Variants in SH3PXD2B observed in about 807,000 individuals in gnomAD.
SH3PXD2B encodes SH3 and PX domain-containing protein 2B.
In SH3PXD2B, 37 loss-of-function variants were observed where a neutral mutation model predicts 73.1. The observed-to-expected ratio is 0.51, with a 90% CI of 0.39 to 0.67. The LOEUF (loss-of-function observed/expected upper bound fraction) is 0.67, where lower values mean the gene tolerates loss of function less well. Among genes scored for constraint, SH3PXD2B ranks in the 30% least tolerant of loss-of-function variants. The pLI is 0.00. For missense variants in SH3PXD2B, 1,053 were observed against 1,197.8 expected, an observed-to-expected ratio of 0.88 and a Z score of 1.78; for synonymous variants, 457 against 480.5, an observed-to-expected ratio of 0.95 and a Z score of 0.64.
downstream of SH3PXD2B, among the ~76,000 whole-genome samples, chr5:172,329,540 C>CT (rs370876232): frequency 1.4e-3 from 154 of 106,430 alleles, 15 homozygotes; most frequent in Middle Eastern, 0.017. Context: ...CTTTGTTATT[C>CT]TTTTTTTTTT....
intron 1 of SH3PXD2B, among the ~76,000 whole-genome samples, chr5:172,450,595 C>T (rs1759773064): frequency 1.3e-5 from 2 of 152,022 alleles, no homozygotes; most frequent in South Asian, 2.1e-4. Context: ...ATAAATATTC[C>T]GACCATCCTG....
At chr5:172,377,409 G>C (rs753142807) in intron 5 of SH3PXD2B, among the ~76,000 whole-genome samples, 1 of 152,166 alleles carries the variant, frequency 6.6e-6, no homozygotes, top group Non-Finnish European at 1.5e-5. Context: ...ACCCAGCTGA[G>C]ACTGCCTGCT....
intron 1 of SH3PXD2B, among the ~76,000 whole-genome samples, chr5:172,437,623 A>C (rs1759425404): frequency 6.6e-6 from 1 of 152,226 alleles, no homozygotes; most frequent in Non-Finnish European, 1.5e-5. Flanking sequence ...GGAATCACCA[A>C]GCTCAGGCTC....
rs868065377 is a variant in SH3PXD2B, at chr5:172,368,468, T to A, written c.427+5322A>T. Among the ~76,000 whole-genome samples, 82 of 12,988 alleles carry A rather than the reference T, an allele frequency of 6.3e-3. 1 individual carries two copies. The highest frequency in any genetic ancestry group is 7.6e-3 in the Non-Finnish European group (62 of 8,116). The allele number at this position is 12,988 out of a possible 152,430, so 8.5% of individuals were successfully genotyped here. A position where few individuals can be genotyped will look rare whatever the true frequency, so the allele number is the denominator to read the frequency against. The stretch of plus-strand genomic sequence containing the variant: ...CTAAGAATGCTTATATATATATATA[T>A]TATATATATATATAAAATATATATA... On this transcript the variant is annotated intron_variant, in intron 6 of 12. Transcript: ENST00000311601.
At chr5:172,434,182 C>T (rs1759315446) in intron 1 of SH3PXD2B, among the ~76,000 whole-genome samples, 1 of 152,148 alleles carries the variant, frequency 6.6e-6, no homozygotes, top group Non-Finnish European at 1.5e-5. Flanking sequence ...CCCAAATGCC[C>T]TGACTTGATC....
intron 1 of SH3PXD2B, among the ~76,000 whole-genome samples, chr5:172,452,300 AGAC>A (rs1759814262): frequency 6.6e-6 from 1 of 152,240 alleles, no homozygotes; most frequent in East Asian, 1.9e-4. Flanking sequence ...AAGCTTCAAA[AGAC>A]GGTTCTCAAA....
chr5:172,365,696 C>T (rs1289792013), intron 6 of SH3PXD2B, among the ~76,000 whole-genome samples: 1 of 152,234 alleles, frequency 6.6e-6, no homozygotes, highest in African/African-American at 2.4e-5. Flanking sequence ...TTCACGTCCC[C>T]TTCCTGCTGG....
At position 172,338,394 on chromosome 5, in the gene SH3PXD2B, G is replaced by T; in HGVS notation, c.2711C>A (p.Ser904Tyr). Residue 904 changes from serine to tyrosine, a missense_variant, in exon 13 of 13, where the codon TCC (serine) becomes TAC (tyrosine). Coordinates refer to ENST00000311601, the MANE Select transcript of SH3PXD2B (RefSeq NM_001017995.3). This position sits in a 1 kb window ranked among gnomAD's most constrained non-coding sequence, Gnocchi z 5.1. ...CTACGGCTTCTTTCTGAGATAGTTG[G>T]AAGGAATCCACCCTTCCCAGGAAGG... The part of the protein sequence containing the change: ...GAPSWEGWIP[S>Y]NYLRKKP The T allele has an allele frequency of 6.2e-7, 1 of 1,614,160 alleles. No homozygotes were observed. Among genetic ancestry groups the T allele is most frequent in the Middle Eastern group, 1.7e-4 (1 of 6,056 alleles).
At chr5:172,446,183 C>T (rs1247998544) in intron 1 of SH3PXD2B, among the ~76,000 whole-genome samples, 2 of 152,216 alleles carry the variant, frequency 1.3e-5, no homozygotes, top group Admixed American at 6.5e-5. Context: ...CTCAGGCATT[C>T]TGCATAAAAG....
intron 7 of SH3PXD2B, among the ~76,000 whole-genome samples, 160 bp from the exon 8 acceptor site, chr5:172,359,037 C>G (rs544770063): frequency 6.6e-6 from 1 of 152,320 alleles, no homozygotes; most frequent in African/African-American, 2.4e-5. Context: ...TACCTGCTAA[C>G]TGCTAAAAGC....
chr5:172,333,948 G>A lies in SH3PXD2B; in HGVS notation c.*4421C>T, dbSNP rs899603736. 133 of 1,237,220 alleles carry A rather than the reference G, an allele frequency of 1.1e-4. No individual in the cohort carries two copies. Among genetic ancestry groups the A allele is most frequent in the Non-Finnish European group, 1.3e-4 (125 of 970,324 alleles). The allele number at this position is 1,237,220 out of a possible 1,614,324, so 76.6% of individuals were successfully genotyped here. On this transcript the variant is annotated 3_prime_UTR_variant, in exon 13 of 13. Transcript: ENST00000311601. The stretch of plus-strand genomic sequence containing the variant: ...ACTGGGGTAAAATGTGGACACCATC[G>A]TTGCATTAGAATTGCTTATTGCTGA...
chr5:172,381,433 C>T (rs949797707), intron 5 of SH3PXD2B, among the ~76,000 whole-genome samples: 6 of 152,160 alleles, frequency 3.9e-5, no homozygotes, highest in African/African-American at 1.4e-4. Context: ...TGCGTAAGTG[C>T]GGGTAAGCAG....
Position 172,334,919 on chromosome 5 carries a change from C to T in SH3PXD2B, c.*3450G>A. ...AAGAACATTGACTTGGAAATTGATTCTATGGCGTGGCCTTGTGGCAGAGGT... is the reference window on the plus strand; with the variant it reads ...AAGAACATTGACTTGGAAATTGATTTTATGGCGTGGCCTTGTGGCAGAGGT... On this transcript the variant is annotated 3_prime_UTR_variant, in exon 13 of 13. Coordinates refer to ENST00000311601, the MANE Select transcript of SH3PXD2B (RefSeq NM_001017995.3). 3.0e-6 allele frequency: 3 copies of T among 985,406 alleles called. No individual in the cohort carries two copies. Among genetic ancestry groups the T allele is most frequent in the Non-Finnish European group, 3.6e-6 (3 of 829,948 alleles). The allele number at this position is 985,406 out of a possible 1,614,324, so 61.0% of individuals were successfully genotyped here. A position where few individuals can be genotyped will look rare whatever the true frequency, so the allele number is the denominator to read the frequency against.
At chr5:172,389,462 T>G (rs914076076) in intron 4 of SH3PXD2B, among the ~76,000 whole-genome samples, 3 of 149,542 alleles carry the variant, frequency 2.0e-5, no homozygotes, top group African/African-American at 7.4e-5. Flanking sequence ...TGTAAGTAAC[T>G]TTGTTGGGCC....
intron 12 of SH3PXD2B, among the ~76,000 whole-genome samples, chr5:172,326,814 A>G (rs547307430): frequency 6.6e-6 from 1 of 152,156 alleles, no homozygotes; most frequent in East Asian, 1.9e-4. Flanking sequence ...CCTTTAAGAA[A>G]AAGTTTGCCA....
Position 172,337,080 on chromosome 5 carries a change from G to C in SH3PXD2B, c.*1289C>G, listed in dbSNP as rs1756716893. ...TTGCTCCATAAGCTCTATTCCCCAG[G>C]GGGCAACAGCTTAGAAGAGGGAACA... On this transcript the variant is annotated 3_prime_UTR_variant, in exon 13 of 13. Coordinates refer to ENST00000311601, the MANE Select transcript of SH3PXD2B (RefSeq NM_001017995.3). 5.2e-6 allele frequency: 5 copies of C among 953,404 alleles called. No individual in the cohort carries two copies. Among genetic ancestry groups the C allele is most frequent in the Non-Finnish European group, 6.1e-6 (5 of 818,800 alleles). 59.1% of individuals were successfully genotyped at this position (953,404 alleles called of 1,614,324 possible).
At chr5:172,326,149 G>C (rs2113208529) in intron 12 of SH3PXD2B, among the ~76,000 whole-genome samples, 1 of 152,276 alleles carries the variant, frequency 6.6e-6, no homozygotes, top group East Asian at 1.9e-4. Flanking sequence ...AATTTAGGAG[G>C]GGACACATTT....
At chr5:172,360,757 G>A (rs529822181) in intron 7 of SH3PXD2B, among the ~76,000 whole-genome samples, 26 of 152,292 alleles carry the variant, frequency 1.7e-4, no homozygotes, top group African/African-American at 5.5e-4. Context: ...ACTTGAACCC[G>A]GGAGGTGGAG....
chr5:172,381,994 G>A (rs891075177), intron 5 of SH3PXD2B, 42 bp downstream of exon 5: 5 of 1,507,614 alleles, frequency 3.3e-6, no homozygotes, highest in Non-Finnish European at 4.6e-6. Flanking sequence ...CAGGAGGGAG[G>A]GCTGTGGGGC....
Sources: gnomAD v4.1 joint callset for allele counts (sites outside exome capture counted in the v4.1 genomes callset) on GRCh38, gnomAD v4.1.1 for gene constraint, Gnocchi (gnomAD v3.1) non-coding constraint, MANE v1.5 for transcripts, NCBI Gene and HGNC (gene_info 2026-07-23, HGNC 2026-07-21) for gene names.